SNX31: variants seen among roughly 807,000 people sequenced by gnomAD.
SNX31 encodes sorting nexin-31.
In SNX31, 58 loss-of-function variants were observed where a neutral mutation model predicts 65.4. The observed-to-expected ratio is 0.89, with a 90% CI of 0.72 to 1.10. SNX31 has a LOEUF of 1.10. SNX31 is among the 50% of genes least tolerant of loss of function. SNX31 has a pLI of 0.00. For missense variants in SNX31, 523 were observed against 529.7 expected (o/e 0.99, Z 0.12); for synonymous variants, 181 against 190.1 (o/e 0.95, Z 0.39).
upstream of SNX31, among the ~76,000 whole-genome samples, chr8:100,650,689 A>G (rs1819940071): frequency 6.6e-6 from 1 of 152,132 alleles, no homozygotes; most frequent in African/African-American, 2.4e-5. Context: ...GGAGCCATTG[A>G]CAGTTCTGGT....
chr8:100,628,601 G>T (rs557620592), intron 4 of SNX31, among the ~76,000 whole-genome samples: 35 of 140,972 alleles, frequency 2.5e-4, no homozygotes, highest in East Asian at 8.5e-4. Context: ...GGGGTGGGGG[G>T]AAGGGGGAGG....
At chr8:100,659,844 C>T (rs980374963) in intron 1 of SNX31, among the ~76,000 whole-genome samples, 5 of 152,050 alleles carry the variant, frequency 3.3e-5, no homozygotes, top group African/African-American at 1.2e-4. Context: ...TGAGGTCTTT[C>T]AAGACATACA....
At chr8:100,615,575 C>A (rs138983707) in intron 5 of SNX31, among the ~76,000 whole-genome samples, 1 of 152,146 alleles carries the variant, frequency 6.6e-6, no homozygotes, top group African/African-American at 2.4e-5. Context: ...GTGAACACTG[C>A]GAAGTGAACT....
chr8:100,612,173 T>G lies in SNX31; in HGVS notation c.524-86A>C. The stretch of plus-strand genomic sequence containing the variant: ...AGCTTTCAAATGAGAAAATAAAACC[T>G]TATTATTGGAAATAATAAAATCACA... On this transcript the variant is annotated intron_variant, in intron 6 of 13. Coordinates refer to ENST00000311812, the MANE Select transcript of SNX31 (RefSeq NM_152628.4). The surrounding 1 kb of genome is among the most constrained non-coding windows in gnomAD (Gnocchi z 4.3). The G allele has an allele frequency of 1.3e-6, 1 of 792,878 alleles. No homozygotes were observed. The highest frequency in any genetic ancestry group is 1.6e-5 in the South Asian group (1 of 61,284). 49.1% of individuals were successfully genotyped at this position (792,878 alleles called of 1,614,324 possible).
chr8:100,632,266 G>A (rs1349364580), intron 3 of SNX31, among the ~76,000 whole-genome samples: 2 of 152,176 alleles, frequency 1.3e-5, no homozygotes, highest in African/African-American at 2.4e-5. Flanking sequence ...CTGTGAAAAG[G>A]CCAGGTATTA....
Position 100,612,145 on chromosome 8 carries a change from A to G in SNX31, c.524-58T>C. 2 of 1,046,844 alleles carry G rather than the reference A, an allele frequency of 1.9e-6. No individual in the cohort carries two copies. The highest frequency in any genetic ancestry group is 2.7e-5 in the South Asian group (2 of 73,208). 64.8% of individuals were successfully genotyped at this position (1,046,844 alleles called of 1,614,324 possible). A position where few individuals can be genotyped will look rare whatever the true frequency, so the allele number is the denominator to read the frequency against. ...GAAACAGCACAGACAGCTTATATAT[A>G]GCAGCTTTCAAATGAGAAAATAAAA... On this transcript the variant is annotated intron_variant, in intron 6 of 13. Coordinates refer to ENST00000311812, the MANE Select transcript of SNX31 (RefSeq NM_152628.4). The surrounding 1 kb of genome is among the most constrained non-coding windows in gnomAD (Gnocchi z 4.3).
At chr8:100,639,396 A>G (rs1245052991) in intron 2 of SNX31, among the ~76,000 whole-genome samples, 1 of 152,246 alleles carries the variant, frequency 6.6e-6, no homozygotes, top group Non-Finnish European at 1.5e-5. Context: ...GTACACAGGC[A>G]TTGGACTCTG....
At position 100,613,138 on chromosome 8, in the gene SNX31, T is replaced by A. The variant is rs933924560; in HGVS notation, c.433-53A>T. ...AAAAGTTAGGTGTGCCCACCATGCA[T>A]CCTAACTGTGACATGCAGACTTGGA... On this transcript the variant is annotated intron_variant, in intron 5 of 13. Transcript: ENST00000311812. This position sits in a 1 kb window ranked among gnomAD's most constrained non-coding sequence, Gnocchi z 5.2. The A allele has an allele frequency of 6.4e-6, 9 of 1,407,266 alleles. No individual in the cohort carries two copies. The African/African-American group carries it at 1.3e-4, about 20-fold the overall frequency. 87.2% of individuals were successfully genotyped at this position (1,407,266 alleles called of 1,614,324 possible).
intron 8 of SNX31, 81 bp from the exon 9 acceptor site, chr8:100,600,522 G>C: frequency 8.5e-7 from 1 of 1,176,888 alleles, no homozygotes. Context: ...TGTATGAAGG[G>C]ATATAAAAAC....
rs994948604 is a variant in SNX31, at chr8:100,609,944, G to T, written c.612-1381C>A. ...TTAAGGACAGAGAAGTCCTTAAGAC[G>T]CCACTTAGGCCTCACTGAGGCTTCA... On this transcript the variant is annotated intron_variant, in intron 7 of 13. Coordinates refer to ENST00000311812, the MANE Select transcript of SNX31 (RefSeq NM_152628.4). This position sits in a 1 kb window ranked among gnomAD's most constrained non-coding sequence, Gnocchi z 4.9. 6.6e-6 allele frequency among the ~76,000 whole-genome samples: 1 copy of T among 152,150 alleles called. No homozygotes were observed. Among genetic ancestry groups the T allele is most frequent in the Non-Finnish European group, 1.5e-5 (1 of 68,024 alleles).
chr8:100,641,568 ATATAT>A (rs1819206318), intron 2 of SNX31, among the ~76,000 whole-genome samples: 11 of 32,724 alleles, frequency 3.4e-4, no homozygotes, highest in Admixed American at 5.0e-4. Flanking sequence ...AAAAAAAAAT[ATATAT>A]ATATATATAT....
intron 4 of SNX31, among the ~76,000 whole-genome samples, chr8:100,628,421 T>C (rs1220160635): frequency 6.6e-6 from 1 of 152,110 alleles, no homozygotes; most frequent in African/African-American, 2.4e-5. Flanking sequence ...TAAAAAATGA[T>C]GAGATCATAT....
chr8:100,603,682 A>C (rs1815865576), intron 8 of SNX31, among the ~76,000 whole-genome samples: 1 of 149,242 alleles, frequency 6.7e-6, no homozygotes, highest in South Asian at 2.1e-4. Context: ...GATACCTCGG[A>C]TGATTGGCCT....
intron 2 of SNX31, among the ~76,000 whole-genome samples, chr8:100,640,840 TAAG>T (rs1424755450): frequency 2.6e-5 from 4 of 152,134 alleles, no homozygotes; most frequent in Non-Finnish European, 5.9e-5. Context: ...AAGAGGAACT[TAAG>T]GAGACCTAAC....
At chr8:100,608,104 A>G (rs938737624) in intron 8 of SNX31, among the ~76,000 whole-genome samples, 1 of 152,222 alleles carries the variant, frequency 6.6e-6, no homozygotes, top group Non-Finnish European at 1.5e-5. Flanking sequence ...TACAATGGAG[A>G]TAGAATTCCT....
rs927605096 is a variant in SNX31 at position 100,597,335 on chromosome 8, T to A, written c.775-493A>T. Among the ~76,000 whole-genome samples the A allele has an allele frequency of 2.6e-5, 4 of 152,132 alleles. No individual in the cohort carries two copies. In the South Asian group the frequency reaches 8.3e-4, roughly 32 times the overall value. On this transcript the variant is annotated intron_variant, in intron 9 of 13. Coordinates refer to ENST00000311812, the MANE Select transcript of SNX31 (RefSeq NM_152628.4). ...CGGCTCACTGCAACCTCCGACTCCC[T>A]GGTTCAAGTGATTATCCTGCCTCAG...
upstream of SNX31, among the ~76,000 whole-genome samples, chr8:100,652,689 C>A (rs893620146): frequency 1.3e-5 from 2 of 152,078 alleles, no homozygotes; most frequent in Non-Finnish European, 2.9e-5. Flanking sequence ...TACCCACACT[C>A]TTTTGGAGGT....
In SNX31 at chr8:100,597,911, C is replaced by A. The variant is rs11986903; in HGVS notation, c.775-1069G>T. ...TTTGGTGAACTCCACTCTGTTCTTC[C>A]AGCTTTCGCCATGGGCCTGGCCTAA... On this transcript the variant is annotated intron_variant, in intron 9 of 13. Transcript: ENST00000311812. Among the ~76,000 whole-genome samples, 951 of 152,268 alleles carry A rather than the reference C, an allele frequency of 6.2e-3. 15 individuals are homozygous for A. Among genetic ancestry groups the A allele is most frequent in the African/African-American group, 0.022 (922 of 41,536 alleles).
At chr8:100,607,274 C>A (rs772050788) in intron 8 of SNX31, among the ~76,000 whole-genome samples, 2 of 152,138 alleles carry the variant, frequency 1.3e-5, no homozygotes, top group Non-Finnish European at 2.9e-5. Flanking sequence ...TGGAGCCAAG[C>A]CTGGAAAAGA....
Sources: allele counts gnomAD v4.1 joint callset (sites outside exome capture counted in the v4.1 genomes callset), GRCh38; gene constraint gnomAD v4.1.1; non-coding constraint Gnocchi (gnomAD v3.1); transcripts MANE v1.5; gene names NCBI Gene and HGNC (gene_info 2026-07-23, HGNC 2026-07-21).